The following MED27 variants were observed in gnomAD, a reference collection of about 807,000 sequenced individuals.
The protein encoded by MED27 is mediator complex subunit 27, also known as mediator of RNA polymerase II transcription subunit 27.
In MED27, 30 loss-of-function variants were observed where a neutral mutation model predicts 38.2. The ratio of observed to expected loss-of-function variants is 0.79; its 90% CI spans 0.59 to 1.07. The LOEUF (loss-of-function observed/expected upper bound fraction) is 1.07, where lower values mean the gene tolerates loss of function less well. MED27 is among the 50% of genes least tolerant of loss of function. The pLI, the probability that MED27 is intolerant of heterozygous loss-of-function variation, is 0.00. For synonymous variants in MED27, 122 were observed against 153.5 expected, an observed-to-expected ratio of 0.79 and a Z score of 1.52; for missense variants, 289 against 397.5, an observed-to-expected ratio of 0.73 and a Z score of 2.32.
At chr9:132,026,514 T>C (rs9411336) in intron 2 of MED27, among the ~76,000 whole-genome samples, 83,167 of 151,976 alleles carry the variant, frequency 0.55, 25,567 homozygotes, top group Non-Finnish European at 0.68. Context: ...TCCACAAGAG[T>C]GCCGGAACTG....
intron 4 of MED27, among the ~76,000 whole-genome samples, chr9:131,908,127 G>T (rs1015937812): frequency 2.1e-4 from 23 of 110,572 alleles, no homozygotes; most frequent in East Asian, 6.4e-4. Flanking sequence ...GGAGGGAGGT[G>T]GGGGGGTCAG....
At chr9:131,881,800 C>CT (rs61624043) in intron 6 of MED27, among the ~76,000 whole-genome samples, 835 of 60,942 alleles carry the variant, frequency 0.014, 42 homozygotes, top group African/African-American at 0.036. Context: ...TCTTCTTCTT[C>CT]TTTTTTTTTT....
At chr9:132,071,632 C>A (rs558929726) in intron 2 of MED27, among the ~76,000 whole-genome samples, 1 of 151,652 alleles carries the variant, frequency 6.6e-6, no homozygotes, top group Non-Finnish European at 1.5e-5. Context: ...GTAACCCACA[C>A]CTCATGAACG....
chr9:132,009,375 C>T (rs142724107), intron 3 of MED27, among the ~76,000 whole-genome samples: 225 of 152,294 alleles, frequency 1.5e-3, no homozygotes, highest in African/African-American at 5.1e-3. Flanking sequence ...AGTCAAACTT[C>T]GTGACTCATT....
At chr9:132,010,870 C>T (rs927539932) in intron 3 of MED27, among the ~76,000 whole-genome samples, 1 of 151,830 alleles carries the variant, frequency 6.6e-6, no homozygotes, top group African/African-American at 2.4e-5. Context: ...CATCACACAC[C>T]GGGTCCTGTT....
intron 3 of MED27, among the ~76,000 whole-genome samples, chr9:131,980,759 A>G (rs1352206517): frequency 6.6e-6 from 1 of 151,700 alleles, no homozygotes; most frequent in Non-Finnish European, 1.5e-5. Context: ...AAAAAAAAAA[A>G]GGTACAAAAA....
rs1759957598 is a variant in MED27, at chr9:131,982,114, C to T, written c.479+32223G>A. On this transcript the variant is annotated intron_variant, in intron 3 of 7. Coordinates refer to ENST00000292035, the MANE Select transcript of MED27 (RefSeq NM_004269.4). The surrounding 1 kb of genome is among the most constrained non-coding windows in gnomAD (Gnocchi z 4.3). ...GTGGAACACTTCCCAGTATTTATGC[C>T]CTTGTGGAGTCTCCTCCCCTTGAGT... Among the ~76,000 whole-genome samples the T allele has an allele frequency of 1.3e-5, 2 of 152,184 alleles. No individual in the cohort carries two copies. Among genetic ancestry groups the T allele is most frequent in the South Asian group, 2.1e-4 (1 of 4,836 alleles).
intron 4 of MED27, 155 bp downstream of exon 4, chr9:131,939,226 T>C (rs1830739382): frequency 2.2e-6 from 1 of 444,818 alleles, no homozygotes; most frequent in Middle Eastern, 6.0e-4. Context: ...GCAGAATTCT[T>C]AACCTACAGA....
chr9:132,010,534 A>G (rs1173793337), intron 3 of MED27, among the ~76,000 whole-genome samples: 2 of 152,248 alleles, frequency 1.3e-5, no homozygotes, highest in African/African-American at 4.8e-5. Context: ...ATTGCTGGGT[A>G]TATACCCAAA....
chr9:132,050,355 G>A (rs1442995357), intron 2 of MED27, among the ~76,000 whole-genome samples: 1 of 152,206 alleles, frequency 6.6e-6, no homozygotes, highest in South Asian at 2.1e-4. Flanking sequence ...GGAGATGAGG[G>A]GCGGTCCAGG....
At position 132,002,925 on chromosome 9, in the gene MED27, A is replaced by AG. The variant is rs1295795288; in HGVS notation, c.479+11411_479+11412insC. Among the ~76,000 whole-genome samples the AG allele has an allele frequency of 4.0e-5, 6 of 151,284 alleles. No homozygotes were observed. In the East Asian group the frequency reaches 1.2e-3, roughly 29 times the overall value. ...GTGAGTGAGACTCTGTCTCAAAAAA[A>AG]AAAGAAAAAAGAAAAAGAAAAGAAA... On this transcript the variant is annotated intron_variant, in intron 3 of 7. Transcript: ENST00000292035.
chr9:132,067,804 C>T (rs10120159), intron 2 of MED27, among the ~76,000 whole-genome samples: 1,671 of 151,040 alleles, frequency 0.011, 30 homozygotes, highest in African/African-American at 0.039. Context: ...CCCCGCCTCC[C>T]GGGTTCACGC....
At chr9:131,984,134 G>A (rs1169381566) in intron 3 of MED27, among the ~76,000 whole-genome samples, 1 of 152,130 alleles carries the variant, frequency 6.6e-6, no homozygotes, top group African/African-American at 2.4e-5. Context: ...CATTTGCTCA[G>A]ATGTCACCAT....
rs1200094341 is a variant in MED27 at position 131,917,641 on chromosome 9, T to A, written c.573+21740A>T. ...GTGGCATTGTGGGTGACAATGGGGA[T>A]GCCACCCGCAATGTAATCAGTGCTA... On this transcript the variant is annotated intron_variant, in intron 4 of 7. Coordinates refer to ENST00000292035, the MANE Select transcript of MED27 (RefSeq NM_004269.4). This position sits in a 1 kb window ranked among gnomAD's most constrained non-coding sequence, Gnocchi z 4.6. 1.3e-5 allele frequency among the ~76,000 whole-genome samples: 2 copies of A among 152,182 alleles called. No individual in the cohort carries two copies. The highest frequency in any genetic ancestry group is 6.5e-5 in the Admixed American group (1 of 15,276).
At chr9:132,038,188 CTTTTTTTTTT>C (rs144353393) in intron 2 of MED27, among the ~76,000 whole-genome samples, 2 of 125,720 alleles carry the variant, frequency 1.6e-5, no homozygotes, top group African/African-American at 3.3e-5. Flanking sequence ...AGGCATCCTT[CTTTTTTTTTT>C]TTTTTTTTTT....
intron 6 of MED27, among the ~76,000 whole-genome samples, chr9:131,880,509 T>G (rs1389987008): frequency 6.6e-6 from 1 of 152,196 alleles, no homozygotes; most frequent in Non-Finnish European, 1.5e-5. Flanking sequence ...TAGTTAATAA[T>G]AGGTGAAAGG....
intron 6 of MED27, among the ~76,000 whole-genome samples, chr9:131,867,282 G>A (rs1838753735): frequency 1.3e-5 from 2 of 152,154 alleles, no homozygotes; most frequent in South Asian, 4.1e-4. Flanking sequence ...GAGGACCTGG[G>A]CTCTGGTCTA....
At chr9:131,937,524 C>T (rs1204304590) in intron 4 of MED27, among the ~76,000 whole-genome samples, 2 of 152,172 alleles carry the variant, frequency 1.3e-5, no homozygotes, top group Non-Finnish European at 2.9e-5. Context: ...GCGAGGTCGA[C>T]CATCACTGTG....
At chr9:132,024,643 C>A (rs1832780225) in intron 2 of MED27, among the ~76,000 whole-genome samples, 1 of 152,192 alleles carries the variant, frequency 6.6e-6, no homozygotes, top group East Asian at 1.9e-4. Context: ...GGAAATCTAA[C>A]TCAGAATTCT....
Sources: allele counts gnomAD v4.1 joint callset (sites outside exome capture counted in the v4.1 genomes callset), GRCh38; gene constraint gnomAD v4.1.1; non-coding constraint Gnocchi (gnomAD v3.1); transcripts MANE v1.5; gene names NCBI Gene and HGNC (gene_info 2026-07-23, HGNC 2026-07-21).